The following SLC18A1 variants were observed in gnomAD, a reference collection of about 807,000 sequenced individuals.
SLC18A1 encodes chromaffin granule amine transporter.
In SLC18A1, 69 loss-of-function variants were observed where a neutral mutation model predicts 53.7. The ratio of observed to expected loss-of-function variants is 1.28; its 90% CI spans 1.06 to 1.57. The LOEUF is 1.57. Among genes scored for constraint, SLC18A1 ranks in the 40% most tolerant of loss-of-function variants. SLC18A1 has a pLI of 0.00. For missense variants in SLC18A1, 932 were observed against 668.1 expected (o/e 1.40, Z -4.35); for synonymous variants, 320 against 248.1 (o/e 1.29, Z -2.72).
In SLC18A1 at chr8:20,145,789, C is replaced by G; in HGVS notation, c.1552G>C (p.Asp518His). 3 of 1,611,536 alleles carry G rather than the reference C, an allele frequency of 1.9e-6. No homozygotes were observed. The highest frequency in any genetic ancestry group is 2.2e-5 in the South Asian group (2 of 90,354). The change falls in exon 16 of 16, where the codon GAT (aspartate) becomes CAT (histidine). Residue 518 changes from aspartate (D) to histidine (H), a missense_variant. Transcript: ENST00000276373. Reference protein sequence around the residue: ...TKEFPLGEDSDEEPDHEE With the variant: ...TKEFPLGEDSHEEPDHEE ...TACTCCTCATGGTCAGGCTCCTCAT[C>G]ACTGTCCTCCCCCAGAGGAAATTCC... is the stretch of plus-strand genomic sequence containing the variant.
intron 6 of SLC18A1, among the ~76,000 whole-genome samples, chr8:20,172,475 G>C (rs1379513739): frequency 2.0e-5 from 3 of 152,162 alleles, no homozygotes; most frequent in Admixed American, 1.3e-4. Context: ...CATGTAATAA[G>C]TGAAAGCATG....
chr8:20,168,799 G>T (rs949309981), intron 8 of SLC18A1, among the ~76,000 whole-genome samples: 2 of 152,120 alleles, frequency 1.3e-5, no homozygotes, highest in Admixed American at 1.3e-4. Flanking sequence ...CAAACTCCTG[G>T]TCTCAAGTGA....
chr8:20,156,012 C>A (rs971256801), intron 10 of SLC18A1, among the ~76,000 whole-genome samples: 22 of 152,226 alleles, frequency 1.4e-4, no homozygotes, highest in African/African-American at 5.3e-4. Context: ...CTGTGCAATA[C>A]AATCTCCAAG....
chr8:20,165,390 A>G (rs545153336), intron 8 of SLC18A1, among the ~76,000 whole-genome samples: 2 of 152,256 alleles, frequency 1.3e-5, no homozygotes, highest in South Asian at 2.1e-4. Flanking sequence ...GTGACCATCA[A>G]CAAGGTCAGA....
At chr8:20,153,529 T>G (rs1204921686) in intron 10 of SLC18A1, among the ~76,000 whole-genome samples, 1 of 151,956 alleles carries the variant, frequency 6.6e-6, no homozygotes. Flanking sequence ...ATACAAAAAA[T>G]TAGCTGGGCA....
chr8:20,150,807 C>CGTACAA, intron 10 of SLC18A1, 63 bp from the exon 11 acceptor site: 1 of 1,406,246 alleles, frequency 7.1e-7, no homozygotes, highest in Non-Finnish European at 1.0e-6. Context: ...TGCCTTGTCT[C>CGTACAA]GTACAAGACA....
intron 10 of SLC18A1, among the ~76,000 whole-genome samples, chr8:20,161,104 A>G (rs1450652967): frequency 6.6e-6 from 1 of 152,190 alleles, no homozygotes; most frequent in Non-Finnish European, 1.5e-5. Flanking sequence ...CCTTGTCACA[A>G]TGCAAAATGC....
chr8:20,180,789 C>T, intron 2 of SLC18A1, 52 bp downstream of exon 2: 2 of 1,607,794 alleles, frequency 1.2e-6, no homozygotes, highest in Non-Finnish European at 1.7e-6. Context: ...TGTACACTGC[C>T]TGCTGGGGCC....
rs748349265 is a variant in SLC18A1 at position 20,173,201 on chromosome 8, C to T, written c.632-73G>A. On this transcript the variant is annotated intron_variant, in intron 5 of 15. Coordinates refer to ENST00000276373, the MANE Select transcript of SLC18A1 (RefSeq NM_003053.4). Reference sequence around the variant, plus strand: ...CCGCCTCTCAGAGCCCTTGGTCCCACCCTGTTATCTCTTCAGTGACAATCT... The same window carrying T: ...CCGCCTCTCAGAGCCCTTGGTCCCATCCTGTTATCTCTTCAGTGACAATCT... 534 of 1,053,982 alleles carry T rather than the reference C, an allele frequency of 5.1e-4. 1 individual carries two copies. The highest frequency in any genetic ancestry group is 6.2e-4 in the Non-Finnish European group (441 of 715,202). The allele number at this position is 1,053,982 out of a possible 1,614,324, so 65.3% of individuals were successfully genotyped here. A position where few individuals can be genotyped will look rare whatever the true frequency, so the allele number is the denominator to read the frequency against.
intron 10 of SLC18A1, among the ~76,000 whole-genome samples, chr8:20,160,167 T>C (rs2071787244): frequency 1.3e-5 from 2 of 151,460 alleles, no homozygotes; most frequent in Non-Finnish European, 2.9e-5. Flanking sequence ...GTGTAGGCTA[T>C]CCTGGACAGG....
intron 12 of SLC18A1, 83 bp downstream of exon 12, chr8:20,149,592 CT>C: frequency 1.2e-5 from 6 of 516,422 alleles, no homozygotes; most frequent in South Asian, 4.0e-5. Context: ...CTCTCTCCCT[CT>C]CTCTCTCTCT....
chr8:20,147,490 G>T lies in SLC18A1; in HGVS notation c.1331-99C>A, dbSNP rs189387342. ...GCTAGGGGCAGTGGGTGACCCAGAG[G>T]ATGTCTCAGCGTCAAAGATCTCCAG... is the stretch of plus-strand genomic sequence containing the variant. On this transcript the variant is annotated intron_variant, in intron 14 of 15. Coordinates refer to ENST00000276373, the MANE Select transcript of SLC18A1 (RefSeq NM_003053.4). 1.5e-4 allele frequency: 239 copies of T among 1,569,722 alleles called. No individual in the cohort carries two copies. The African/African-American group carries it at 3.0e-3, about 20-fold the overall frequency.
At chr8:20,148,552 A>C in intron 12 of SLC18A1, 1 of 1,054,580 alleles carries the variant, frequency 9.5e-7, no homozygotes, top group Non-Finnish European at 1.3e-6. Context: ...AGGCCCCAAC[A>C]ACCAGTTAGC....
In SLC18A1 at chr8:20,173,895, C is replaced by CTT. The variant is rs72376505; in HGVS notation, c.631+464_631+465dup. 7.1e-3 allele frequency among the ~76,000 whole-genome samples: 966 copies of CTT among 135,614 alleles called. 16 individuals carry two copies. The highest frequency in any genetic ancestry group is 0.024 in the African/African-American group (850 of 34,864). The allele number at this position is 135,614 out of a possible 152,430, so 89.0% of individuals were successfully genotyped here. A position where few individuals can be genotyped will look rare whatever the true frequency, so the allele number is the denominator to read the frequency against. On this transcript the variant is annotated intron_variant, in intron 5 of 15. Coordinates refer to ENST00000276373, the MANE Select transcript of SLC18A1 (RefSeq NM_003053.4). ...CTGTTAGAAACTCTGTAATTCCTTT[C>CTT]TTTTTTTTTTTTTTTTTTTGAGTTA...
intron 4 of SLC18A1, chr8:20,175,449 C>A (rs541429034): frequency 6.6e-6 from 1 of 152,278 alleles, no homozygotes; most frequent in South Asian, 2.1e-4. Context: ...TCCATGAAAT[C>A]TTCACAATTT....
At chr8:20,155,002 C>G (rs2071647610) in intron 10 of SLC18A1, among the ~76,000 whole-genome samples, 1 of 152,170 alleles carries the variant, frequency 6.6e-6, no homozygotes, top group Admixed American at 6.5e-5. Context: ...CCAGGTTCAT[C>G]CTAATCCAGC....
intron 13 of SLC18A1, 72 bp downstream of exon 13, chr8:20,147,935 A>AG (rs969592183): frequency 6.5e-7 from 1 of 1,527,038 alleles, no homozygotes; most frequent in Non-Finnish European, 9.0e-7. Context: ...TGATGAGAAA[A>AG]GGGGGAGGAA....
chr8:20,159,647 AAAAAAAAAAAAAAAAAG>A (rs1563739597), intron 10 of SLC18A1, among the ~76,000 whole-genome samples: 1 of 67,276 alleles, frequency 1.5e-5, no homozygotes, highest in Non-Finnish European at 2.8e-5. Context: ...AAAAAAAAAA[AAAAAAAAAAAAAAAAAG>A]AAAGAAAAAG....
intron 12 of SLC18A1, among the ~76,000 whole-genome samples, chr8:20,149,456 G>T (rs943215835): frequency 6.6e-6 from 1 of 152,024 alleles, no homozygotes; most frequent in Non-Finnish European, 1.5e-5. Context: ...CACTGCAGCT[G>T]GTGGCCTCTT....
Sources: gnomAD v4.1 joint callset for allele counts (sites outside exome capture counted in the v4.1 genomes callset) on GRCh38, gnomAD v4.1.1 for gene constraint, MANE v1.5 for transcripts, NCBI Gene and HGNC (gene_info 2026-07-23, HGNC 2026-07-21) for gene names.